RIMS1: variants seen among roughly 807,000 people sequenced by gnomAD.
RIMS1 encodes the protein regulating synaptic membrane exocytosis 1, also known as regulating synaptic membrane exocytosis protein 1.
In RIMS1, 83 loss-of-function variants were observed where a neutral mutation model predicts 214.1. That is an observed-to-expected ratio of 0.39 (90% CI 0.32 to 0.47). The LOEUF is 0.47. RIMS1 is among the 20% of genes least tolerant of loss of function. The probability of loss-of-function intolerance (pLI) is 0.99; values close to 1 mark genes in which losing one functional copy is unlikely to be tolerated. For missense variants in RIMS1, 2,050 were observed against 2,161.8 expected (o/e 0.95, Z 1.03); for synonymous variants, 793 against 786.8 (o/e 1.01, Z -0.13).
intron 4 of RIMS1, among the ~76,000 whole-genome samples, chr6:72,147,360 A>G (rs1037754458): frequency 6.6e-6 from 1 of 152,216 alleles, no homozygotes; most frequent in Non-Finnish European, 1.5e-5. Flanking sequence ...TAATTGGATT[A>G]CTGGCCTCAG....
intron 2 of RIMS1, among the ~76,000 whole-genome samples, chr6:71,974,770 G>A (rs1208236688): frequency 6.6e-6 from 1 of 152,152 alleles, no homozygotes; most frequent in Non-Finnish European, 1.5e-5. Flanking sequence ...CATTAGATTC[G>A]AGTATTAGTA....
chr6:72,077,568 T>C (rs1219253121), intron 2 of RIMS1, among the ~76,000 whole-genome samples: 3 of 152,250 alleles, frequency 2.0e-5, no homozygotes, highest in Non-Finnish European at 4.4e-5. Context: ...CTTACTTTAT[T>C]GGTCTTTCCA....
At chr6:72,238,033 G>A (rs2065014597) in intron 9 of RIMS1, 111 bp downstream of exon 9, 1 of 576,408 alleles carries the variant, frequency 1.7e-6, no homozygotes. Flanking sequence ...ATACATGTAT[G>A]TATGTATATA....
At chr6:72,331,981 T>C (rs2096675109) in intron 28 of RIMS1, among the ~76,000 whole-genome samples, 1 of 151,796 alleles carries the variant, frequency 6.6e-6, no homozygotes, top group Non-Finnish European at 1.5e-5. Flanking sequence ...CTTACCTCTT[T>C]TCCGTAGCTT....
At chr6:71,949,865 T>C (rs1484154164) in intron 1 of RIMS1, among the ~76,000 whole-genome samples, 1 of 152,152 alleles carries the variant, frequency 6.6e-6, no homozygotes, top group Non-Finnish European at 1.5e-5. Context: ...TCCTAGGTAT[T>C]TACTAGGGAG....
At chr6:72,349,927 A>T (rs2097385466) in intron 29 of RIMS1, among the ~76,000 whole-genome samples, 1 of 152,130 alleles carries the variant, frequency 6.6e-6, no homozygotes, top group East Asian at 1.9e-4. Flanking sequence ...GGCTAATCAA[A>T]GAAGAAAACA....
At position 72,299,477 on chromosome 6, in the gene RIMS1, A is replaced by G. The variant is rs190888921; in HGVS notation, c.3850+7431A>G. 4.3e-3 allele frequency among the ~76,000 whole-genome samples: 647 copies of G among 151,968 alleles called. 5 individuals are homozygous for G. Among genetic ancestry groups the G allele is most frequent in the African/African-American group, 0.013 (554 of 41,534 alleles). On this transcript the variant is annotated intron_variant, in intron 26 of 33. Transcript: ENST00000521978. ...AATATGTGATAATTATTGTAACTAG[A>G]TCATAGAGATTGTAACTAGATCATT...
At chr6:71,901,223 G>C (rs964135471) in intron 1 of RIMS1, among the ~76,000 whole-genome samples, 3 of 151,452 alleles carry the variant, frequency 2.0e-5, no homozygotes, top group Admixed American at 1.3e-4. Flanking sequence ...AGAGTTTAGC[G>C]TGCATCTACA....
chr6:72,356,027 A>G (rs1484008357), intron 29 of RIMS1, among the ~76,000 whole-genome samples: 1 of 152,182 alleles, frequency 6.6e-6, no homozygotes, highest in Admixed American at 6.5e-5. Context: ...CTTCCACATA[A>G]TCTGGAAGGT....
chr6:71,900,653 T>C lies in RIMS1; in HGVS notation c.164+13466T>C, dbSNP rs561139218. 7.9e-4 allele frequency among the ~76,000 whole-genome samples: 120 copies of C among 152,202 alleles called. 1 individual carries two copies. The highest frequency in any genetic ancestry group is 2.6e-3 in the African/African-American group (110 of 41,552). ...TATTGTTGTTTTAATTGATTGAATA[T>C]GGGTTGATGTCAGACTTGTGCCACC... is the stretch of plus-strand genomic sequence containing the variant. On this transcript the variant is annotated intron_variant, in intron 1 of 33. Coordinates refer to ENST00000521978, the MANE Select transcript of RIMS1 (RefSeq NM_014989.7).
chr6:72,130,896 AT>A (rs771906038), intron 4 of RIMS1, among the ~76,000 whole-genome samples: 1 of 152,194 alleles, frequency 6.6e-6, no homozygotes, highest in Non-Finnish European at 1.5e-5. Flanking sequence ...CAAAATATTT[AT>A]CAAAAAGCCT....
At chr6:72,001,406 G>T (rs1805202123) in intron 2 of RIMS1, among the ~76,000 whole-genome samples, 1 of 152,072 alleles carries the variant, frequency 6.6e-6, no homozygotes, top group Non-Finnish European at 1.5e-5. Flanking sequence ...TTGGCATTTT[G>T]TTCTCTATGA....
chr6:72,146,417 G>A (rs887112944), intron 4 of RIMS1, among the ~76,000 whole-genome samples: 1 of 152,164 alleles, frequency 6.6e-6, no homozygotes, highest in Non-Finnish European at 1.5e-5. Flanking sequence ...TACCATTAAG[G>A]TCAAGCCCAT....
intron 2 of RIMS1, among the ~76,000 whole-genome samples, chr6:72,075,747 G>A (rs1468667723): frequency 1.3e-5 from 2 of 152,102 alleles, no homozygotes; most frequent in African/African-American, 4.8e-5. Context: ...AAAATTCTGG[G>A]GGGACACAGA....
chr6:71,945,326 G>A (rs894954231), intron 1 of RIMS1, among the ~76,000 whole-genome samples: 1 of 152,148 alleles, frequency 6.6e-6, no homozygotes, highest in Admixed American at 6.5e-5. Context: ...CAGCACTGGA[G>A]GGACATACAC....
chr6:72,143,828 C>T (rs1479682534), intron 4 of RIMS1, among the ~76,000 whole-genome samples: 1 of 152,152 alleles, frequency 6.6e-6, no homozygotes, highest in South Asian at 2.1e-4. Context: ...CATTGCACTT[C>T]AACAAATGAC....
intron 2 of RIMS1, among the ~76,000 whole-genome samples, chr6:72,011,007 G>A (rs927149393): frequency 6.6e-6 from 1 of 152,140 alleles, no homozygotes; most frequent in Non-Finnish European, 1.5e-5. Context: ...CCAAAAAAGA[G>A]CCTGCATTGC....
At chr6:72,190,755 A>T (rs940198607) in intron 6 of RIMS1, among the ~76,000 whole-genome samples, 25 of 152,242 alleles carry the variant, frequency 1.6e-4, no homozygotes, top group African/African-American at 6.0e-4. Context: ...GATCACATAT[A>T]TGCCACTTCC....
At chr6:72,201,010 C>A (rs951139143) in intron 6 of RIMS1, among the ~76,000 whole-genome samples, 2 of 151,572 alleles carry the variant, frequency 1.3e-5, no homozygotes, top group African/African-American at 4.8e-5. Context: ...AATATATAAA[C>A]GACCAAAAAA....
Sources: allele counts gnomAD v4.1 joint callset (sites outside exome capture counted in the v4.1 genomes callset), GRCh38; gene constraint gnomAD v4.1.1; transcripts MANE v1.5; gene names NCBI Gene and HGNC (gene_info 2026-07-23, HGNC 2026-07-21).